Variants in DCC observed in about 807,000 individuals in gnomAD.
The protein encoded by DCC is DCC netrin 1 receptor, also known as netrin receptor DCC.
DCC carries 58 observed loss-of-function variants against 172.5 expected under a neutral mutation model. That is an observed-to-expected ratio of 0.34 (90% CI 0.27 to 0.42). The LOEUF (loss-of-function observed/expected upper bound fraction) is 0.42. Ranked by LOEUF, DCC falls within the 10% of genes least tolerant of loss-of-function variation. The probability of loss-of-function intolerance (pLI) is 1.00; values close to 1 mark genes in which losing one functional copy is unlikely to be tolerated. For missense variants in DCC, 1,740 were observed against 1,791.0 expected, an observed-to-expected ratio of 0.97 and a Z score of 0.51; for synonymous variants, 709 against 644.5, an observed-to-expected ratio of 1.10 and a Z score of -1.52.
chr18:53,058,963 G>C (rs1168769091), intron 5 of DCC, among the ~76,000 whole-genome samples: 2 of 151,978 alleles, frequency 1.3e-5, no homozygotes, highest in African/African-American at 4.8e-5. Flanking sequence ...CCTGAGACTG[G>C]GCAATTTATA....
At chr18:52,375,074 C>T (rs1985289421) in intron 1 of DCC, among the ~76,000 whole-genome samples, 1 of 152,172 alleles carries the variant, frequency 6.6e-6, no homozygotes. Context: ...TTTTGGTCTT[C>T]TTGATCCCCC....
intron 7 of DCC, among the ~76,000 whole-genome samples, chr18:53,155,146 G>C (rs1205482969): frequency 6.6e-6 from 1 of 151,444 alleles, no homozygotes; most frequent in Non-Finnish European, 1.5e-5. Flanking sequence ...TGTATAGCTA[G>C]TAAGAATTGT....
chr18:52,613,011 T>C (rs1412325756), intron 1 of DCC, among the ~76,000 whole-genome samples: 3 of 152,196 alleles, frequency 2.0e-5, no homozygotes, highest in Non-Finnish European at 4.4e-5. Context: ...GCATTTTGAG[T>C]GATAAGAAGC....
intron 14 of DCC, among the ~76,000 whole-genome samples, chr18:53,338,165 G>C (rs546739733): frequency 6.6e-6 from 1 of 152,094 alleles, no homozygotes; most frequent in Non-Finnish European, 1.5e-5. Context: ...ATAATCTATC[G>C]TAGCTGCCTT....
intron 1 of DCC, among the ~76,000 whole-genome samples, chr18:52,625,951 G>A (rs1895993675): frequency 6.6e-6 from 1 of 152,054 alleles, no homozygotes; most frequent in Non-Finnish European, 1.5e-5. Flanking sequence ...TTCTTTGCTG[G>A]TTCTTTTCCT....
intron 1 of DCC, among the ~76,000 whole-genome samples, chr18:52,423,823 C>A (rs1352367376): frequency 6.6e-6 from 1 of 152,018 alleles, no homozygotes; most frequent in Non-Finnish European, 1.5e-5. Context: ...AAAGTGTGAC[C>A]TTTTCTAATC....
At chr18:52,974,613 G>A (rs1047542794) in intron 5 of DCC, among the ~76,000 whole-genome samples, 2 of 152,174 alleles carry the variant, frequency 1.3e-5, no homozygotes, top group Non-Finnish European at 2.9e-5. Context: ...GAATATATGA[G>A]AATAAATAGT....
intron 9 of DCC, among the ~76,000 whole-genome samples, chr18:53,190,947 GAAAC>G (rs751588842): frequency 3.3e-5 from 5 of 151,954 alleles, no homozygotes; most frequent in South Asian, 4.1e-4. Flanking sequence ...TCCGTCTTAA[GAAAC>G]AAACAAACAA....
At chr18:52,476,932 A>G (rs764249009) in intron 1 of DCC, among the ~76,000 whole-genome samples, 1 of 152,168 alleles carries the variant, frequency 6.6e-6, no homozygotes, top group Non-Finnish European at 1.5e-5. Context: ...AGTTGTATGC[A>G]AGTCAAACAC....
intron 27 of DCC, among the ~76,000 whole-genome samples, chr18:53,521,400 C>T (rs1294712674): frequency 2.6e-5 from 4 of 152,016 alleles, no homozygotes; most frequent in African/African-American, 9.7e-5. Context: ...GTGCAATACA[C>T]CTAAGTGTTT....
At chr18:53,432,926 G>GT (rs749666700) in intron 21 of DCC, among the ~76,000 whole-genome samples, 40 of 152,042 alleles carry the variant, frequency 2.6e-4, no homozygotes, top group Non-Finnish European at 5.1e-4. Flanking sequence ...GGGTTTTGTG[G>GT]TTTTTTGGCT....
At chr18:52,896,515 G>A (rs2039732666) in intron 2 of DCC, among the ~76,000 whole-genome samples, 1 of 152,136 alleles carries the variant, frequency 6.6e-6, no homozygotes, top group African/African-American at 2.4e-5. Flanking sequence ...TACATAAATG[G>A]CATTGATGTT....
chr18:52,533,938 C>A (rs2032219755), intron 1 of DCC, among the ~76,000 whole-genome samples: 1 of 151,966 alleles, frequency 6.6e-6, no homozygotes, highest in African/African-American at 2.4e-5. Context: ...TTTAGCTATT[C>A]TGGTAAGTAG....
intron 7 of DCC, among the ~76,000 whole-genome samples, chr18:53,079,217 G>T (rs1174295110): frequency 6.6e-6 from 1 of 152,066 alleles, no homozygotes; most frequent in Non-Finnish European, 1.5e-5. Flanking sequence ...AAGAGAATTG[G>T]TAGCCTATAC....
At chr18:52,788,258 A>C (rs2037694943) in intron 2 of DCC, among the ~76,000 whole-genome samples, 1 of 152,188 alleles carries the variant, frequency 6.6e-6, no homozygotes, top group Non-Finnish European at 1.5e-5. Context: ...CCTTGCAAAT[A>C]AAACTGTTTA....
intron 25 of DCC, among the ~76,000 whole-genome samples, chr18:53,477,841 C>T (rs1260523794): frequency 6.6e-6 from 1 of 152,164 alleles, no homozygotes; most frequent in East Asian, 1.9e-4. Flanking sequence ...GAAAAACATG[C>T]CAGCTGACAG....
At chr18:52,366,238 T>G (rs1378474654) in intron 1 of DCC, among the ~76,000 whole-genome samples, 1 of 152,170 alleles carries the variant, frequency 6.6e-6, no homozygotes, top group Non-Finnish European at 1.5e-5. Flanking sequence ...ACTTCAAGAA[T>G]GAAGCCACGG....
intron 26 of DCC, among the ~76,000 whole-genome samples, chr18:53,488,751 T>A (rs1393832076): frequency 6.6e-6 from 1 of 152,200 alleles, no homozygotes; most frequent in African/African-American, 2.4e-5. Flanking sequence ...CTTGTGATTT[T>A]GAGAGTGAGT....
chr18:52,492,469 A>C (rs1473717148), intron 1 of DCC, among the ~76,000 whole-genome samples: 2 of 151,954 alleles, frequency 1.3e-5, no homozygotes, highest in Non-Finnish European at 2.9e-5. Context: ...AAATAGAAGC[A>C]GGGGTGGTTT....
Sources: allele counts gnomAD v4.1 joint callset (sites outside exome capture counted in the v4.1 genomes callset), GRCh38; gene constraint gnomAD v4.1.1; transcripts MANE v1.5; gene names NCBI Gene and HGNC (gene_info 2026-07-23, HGNC 2026-07-21).